NLGN4X: variants seen among roughly 807,000 people sequenced by gnomAD.
NLGN4X encodes the protein neuroligin 4 X-linked, also known as neuroligin-4, X-linked.
NLGN4X carries 3 observed loss-of-function variants against 40.3 expected under a neutral mutation model. The ratio of observed to expected loss-of-function variants is 0.07; its 90% confidence interval spans 0.03 to 0.19. The LOEUF (loss-of-function observed/expected upper bound fraction) is 0.19, where lower values mean the gene tolerates loss of function less well. Among genes scored for constraint, NLGN4X ranks in the 10% least tolerant of loss-of-function variants. The probability of loss-of-function intolerance (pLI) is 1.00; values close to 1 mark genes in which losing one functional copy is unlikely to be tolerated. For missense variants in NLGN4X, 382 were observed against 708.3 expected, an observed-to-expected ratio of 0.54 and a Z score of 5.23; for synonymous variants, 270 against 306.8, an observed-to-expected ratio of 0.88 and a Z score of 1.25.
chrX:6,094,831 G>A (rs114930842), intron 2 of NLGN4X, among the ~76,000 whole-genome samples: 1 of 111,206 alleles, frequency 9.0e-6, no homozygotes, highest in African/African-American at 3.3e-5. Context: ...GTCATCGGTT[G>A]TCTGTTTCTG....
intron 2 of NLGN4X, among the ~76,000 whole-genome samples, chrX:6,067,520 C>T (rs1378724673): frequency 9.0e-6 from 1 of 111,391 alleles, no homozygotes; most frequent in South Asian, 3.8e-4. Context: ...TTGGGCTGAG[C>T]TCATTGGAGT....
At chrX:6,220,880 G>A (rs1056107192) in intron 1 of NLGN4X, among the ~76,000 whole-genome samples, 1 of 107,333 alleles carries the variant, frequency 9.3e-6, no homozygotes, top group African/African-American at 3.4e-5. Flanking sequence ...TGGGATTACA[G>A]GCACACACCA....
intron 5 of NLGN4X, among the ~76,000 whole-genome samples, chrX:5,898,681 C>T (rs1306395236): frequency 9.0e-6 from 1 of 111,533 alleles, no homozygotes. Context: ...GACAGACACG[C>T]TGGGAGCTAT....
chrX:6,061,561 C>T (rs1479117800), intron 2 of NLGN4X: 2 of 111,830 alleles, frequency 1.8e-5, no homozygotes, highest in Non-Finnish European at 1.9e-5. Context: ...CCCAACACTC[C>T]ACCAAAATTA....
intron 1 of NLGN4X, among the ~76,000 whole-genome samples, chrX:6,174,760 G>A (rs1288743274): frequency 1.1e-4 from 12 of 111,201 alleles, no homozygotes; most frequent in Non-Finnish European, 1.9e-4. Context: ...AAATAAAGAC[G>A]GGAGCAATAG....
chrX:6,096,360 AAAC>A (rs1371899185), intron 2 of NLGN4X, among the ~76,000 whole-genome samples: 3 of 112,105 alleles, frequency 2.7e-5, no homozygotes, highest in African/African-American at 9.7e-5. Flanking sequence ...TGAAAAATAG[AAAC>A]AACAAGCTTG....
chrX:6,187,370 G>A (rs1190780217), intron 1 of NLGN4X: 1 of 108,504 alleles, frequency 9.2e-6, no homozygotes, highest in African/African-American at 3.3e-5. Context: ...CTACCCCGGA[G>A]GCTGAGGCCA....
intron 1 of NLGN4X, among the ~76,000 whole-genome samples, chrX:6,196,415 G>A (rs1386307290): frequency 9.2e-6 from 1 of 108,858 alleles, no homozygotes; most frequent in Admixed American, 9.8e-5. Flanking sequence ...AGCCGGGCGT[G>A]GTGGCGGGCG....
intron 3 of NLGN4X, among the ~76,000 whole-genome samples, chrX:5,951,887 T>A (rs1051233070): frequency 1.8e-5 from 2 of 112,070 alleles, no homozygotes; most frequent in Non-Finnish European, 3.8e-5. Context: ...GATCTGGAAA[T>A]ATTGCCAGAG....
intron 5 of NLGN4X, among the ~76,000 whole-genome samples, chrX:5,901,650 A>G (rs2031871421): frequency 9.1e-6 from 1 of 110,389 alleles, no homozygotes; most frequent in African/African-American, 3.3e-5. Context: ...TGTGAGATAC[A>G]CATGTATGTG....
chrX:5,978,276 C>T (rs1185980369), intron 3 of NLGN4X, among the ~76,000 whole-genome samples: 1 of 1,279 alleles, frequency 7.8e-4, no homozygotes, highest in Non-Finnish European at 1.5e-3. Flanking sequence ...CTCTTTTTTT[C>T]TTTCTTTCTT....
intron 3 of NLGN4X, among the ~76,000 whole-genome samples, chrX:5,912,728 GTCT>G (rs1042561770): frequency 2.8e-5 from 3 of 106,606 alleles, no homozygotes; most frequent in Non-Finnish European, 3.8e-5. Flanking sequence ...CTATCAATCT[GTCT>G]TCTTCTTTAT....
At chrX:6,002,309 G>A (rs2035991926) in intron 3 of NLGN4X, among the ~76,000 whole-genome samples, 1 of 111,694 alleles carries the variant, frequency 9.0e-6, no homozygotes, top group Non-Finnish European at 1.9e-5. Context: ...AGAGCCACCT[G>A]GTGGATGTCT....
At chrX:5,908,087 GGA>G (rs1030184317) in intron 4 of NLGN4X, among the ~76,000 whole-genome samples, 1 of 98,763 alleles carries the variant, frequency 1.0e-5, no homozygotes, top group Non-Finnish European at 2.1e-5. Context: ...GGAAGGAGGG[GGA>G]GAGAGAGGGT....
chrX:6,020,643 T>C (rs1180033824), intron 3 of NLGN4X, among the ~76,000 whole-genome samples: 4 of 112,344 alleles, frequency 3.6e-5, no homozygotes, highest in Non-Finnish European at 5.6e-5. Flanking sequence ...AATGCACTTG[T>C]GAATTAGCTC....
intron 1 of NLGN4X, chrX:6,186,876 T>C (rs1172860853): frequency 1.8e-5 from 2 of 111,501 alleles, no homozygotes; most frequent in Admixed American, 9.5e-5. Context: ...AGAAAAATCA[T>C]AATTAAGCTA....
intron 2 of NLGN4X, among the ~76,000 whole-genome samples, chrX:6,081,025 G>A (rs1031409619): frequency 3.6e-5 from 4 of 109,760 alleles, no homozygotes; most frequent in Admixed American, 2.9e-4. Context: ...GCAGTGATTC[G>A]CACCTGTAAT....
chrX:6,135,202 G>C (rs779628215), intron 2 of NLGN4X, among the ~76,000 whole-genome samples: 50 of 111,748 alleles, frequency 4.5e-4, no homozygotes, highest in Non-Finnish European at 7.7e-4. Flanking sequence ...TGTCCCAGGA[G>C]GGTGACTCCC....
chrX:6,034,354 A>T (rs949066995), intron 2 of NLGN4X, among the ~76,000 whole-genome samples: 1 of 112,330 alleles, frequency 8.9e-6, no homozygotes, highest in East Asian at 2.8e-4. Context: ...TTTCCATTGT[A>T]TGGGTATACC....
Sources: gnomAD v4.1 joint callset for allele counts (sites outside exome capture counted in the v4.1 genomes callset) on GRCh38, gnomAD v4.1.1 for gene constraint, MANE v1.5 for transcripts, NCBI Gene and HGNC (gene_info 2026-07-23, HGNC 2026-07-21) for gene names.